The following KNTC1 variants were observed in gnomAD, a reference collection of about 807,000 sequenced individuals.
The protein encoded by KNTC1 is kinetochore associated 1.
In KNTC1, 253 loss-of-function variants were observed where a neutral mutation model predicts 314.4. The ratio of observed to expected loss-of-function variants is 0.80; its 90% CI spans 0.73 to 0.89. KNTC1 has a LOEUF of 0.89. Among genes scored for constraint, KNTC1 ranks in the 40% least tolerant of loss-of-function variants. The pLI is 0.00. For synonymous variants in KNTC1, 901 were observed against 901.4 expected (o/e 1.00, Z 0.01); for missense variants, 2,475 against 2,572.9 (o/e 0.96, Z 0.82).
chr12:122,617,462 A>C, intron 57 of KNTC1: 1 of 438,352 alleles, frequency 2.3e-6, no homozygotes, highest in African/African-American at 2.0e-5. Context: ...GAGCTGAAAC[A>C]ATCCTCCTGC....
At chr12:122,621,854 A>G (rs559654890) in intron 60 of KNTC1, 27 bp from the exon 61 acceptor site, 8 of 1,428,656 alleles carry the variant, frequency 5.6e-6, no homozygotes, top group African/African-American at 1.4e-5. Context: ...ACAATTTTCT[A>G]TTAATTCTGC....
chr12:122,541,199 CA>C (rs954371154), intron 5 of KNTC1, among the ~76,000 whole-genome samples: 22 of 144,792 alleles, frequency 1.5e-4, no homozygotes, highest in East Asian at 1.2e-3. Context: ...AAACAAAAAA[CA>C]AAAAAAAAAC....
At chr12:122,595,260 A>G (rs1870882730) in intron 43 of KNTC1, among the ~76,000 whole-genome samples, 1 of 152,250 alleles carries the variant, frequency 6.6e-6, no homozygotes, top group Non-Finnish European at 1.5e-5. Flanking sequence ...TGTAATTTAT[A>G]TCTCAGATGT....
chr12:122,553,638 G>A (rs1963349063), intron 16 of KNTC1, among the ~76,000 whole-genome samples: 1 of 152,170 alleles, frequency 6.6e-6, no homozygotes, highest in Non-Finnish European at 1.5e-5. Context: ...GGAGACACCA[G>A]TGTAATGGCT....
intron 63 of KNTC1, among the ~76,000 whole-genome samples, chr12:122,625,183 AC>A (rs1276572981): frequency 7.2e-5 from 11 of 152,094 alleles, no homozygotes; most frequent in African/African-American, 2.7e-4. Flanking sequence ...GGGGCAGATT[AC>A]CTGAGGCCAG....
At chr12:122,529,960 T>C (rs1232854832) in intron 1 of KNTC1, 31 bp from the exon 2 acceptor site, 1 of 1,262,564 alleles carries the variant, frequency 7.9e-7, no homozygotes, top group Middle Eastern at 1.9e-4. Flanking sequence ...AGCTTTATCA[T>C]TTCCCAAGGA....
chr12:122,613,752 C>G lies in KNTC1; in HGVS notation c.5868C>G (p.His1956Gln), dbSNP rs776300972. The change falls in exon 55 of 64, where the codon CAC becomes CAG. Residue 1956 changes from histidine to glutamine, a missense_variant. By Grantham distance (24) the His-to-Gln change is conservative. Transcript: ENST00000333479. ...MIKGLWKNHSHESMAVRLVTE... is the reference protein window; with the variant it reads ...MIKGLWKNHSQESMAVRLVTE... The stretch of plus-strand genomic sequence containing the variant: ...AGGGTCTGTGGAAAAACCACAGCCA[C>G]GAGTCCATGGTAGGTACACCTCACT... The G allele has an allele frequency of 9.3e-6, 15 of 1,609,452 alleles. No homozygotes were observed. Among genetic ancestry groups the G allele is most frequent in the Non-Finnish European group, 1.3e-5 (15 of 1,178,422 alleles).
chr12:122,615,011 G>T lies in KNTC1; in HGVS notation c.5898G>T (p.Glu1966Asp). 1.9e-6 allele frequency: 3 copies of T among 1,613,260 alleles called. No homozygotes were observed. Among genetic ancestry groups the T allele is most frequent in the Non-Finnish European group, 2.5e-6 (3 of 1,179,566 alleles). Residue 1966 changes from glutamate (E) to aspartate (D), a missense_variant, in exon 56 of 64, where the codon GAG becomes GAT. Glu to Asp is a conservative substitution (Grantham distance 45). Coordinates refer to ENST00000333479, the MANE Select transcript of KNTC1 (RefSeq NM_014708.6). Reference sequence around the variant, plus strand: ...TTCAGGCAGTAAGATTGGTGACTGAGCTGTGTTTAGAATACAAAATCTATG... The same window carrying T: ...TTCAGGCAGTAAGATTGGTGACTGATCTGTGTTTAGAATACAAAATCTATG... ...HESMAVRLVTELCLEYKIYDL... is the reference protein window; with the variant it reads ...HESMAVRLVTDLCLEYKIYDL...
At chr12:122,615,330 G>A (rs1316352405) in intron 56 of KNTC1, 140 bp from the exon 57 acceptor site, 11 of 797,508 alleles carry the variant, frequency 1.4e-5, no homozygotes, top group Non-Finnish European at 2.2e-5. Flanking sequence ...TTATGAACTT[G>A]TAAGTGAACT....
intron 20 of KNTC1, among the ~76,000 whole-genome samples, 170 bp downstream of exon 20, chr12:122,562,869 C>T (rs575016389): frequency 1.5e-4 from 23 of 152,014 alleles, no homozygotes; most frequent in African/African-American, 1.2e-4. Flanking sequence ...ATTAGCCAGG[C>T]GTGGTGGCGT....
chr12:122,543,908 G>C (rs901149544), intron 7 of KNTC1, among the ~76,000 whole-genome samples: 6 of 152,032 alleles, frequency 3.9e-5, no homozygotes, highest in African/African-American at 9.7e-5. Context: ...AATTAGCCGG[G>C]GGGTGGTGGC....
rs1436847167 is a variant in KNTC1 at position 122,544,158 on chromosome 12, G to A, written c.559-1G>A. Reference sequence around the variant, plus strand: ...TGACGTTGTTGTTTTTAATTTTGCAGTTACAAGGACAAATCAAGTCCAGTT... The same window carrying A: ...TGACGTTGTTGTTTTTAATTTTGCAATTACAAGGACAAATCAAGTCCAGTT... On this transcript the variant is annotated splice_acceptor_variant, in intron 7 of 63. Coordinates refer to ENST00000333479, the MANE Select transcript of KNTC1 (RefSeq NM_014708.6). LOFTEE classifies it high-confidence loss of function. The A allele has an allele frequency of 7.1e-7, 1 of 1,412,854 alleles. No homozygotes were observed. Among genetic ancestry groups the A allele is most frequent in the Non-Finnish European group, 9.7e-7 (1 of 1,028,116 alleles). The allele number at this position is 1,412,854 out of a possible 1,614,324, so 87.5% of individuals were successfully genotyped here.
At chr12:122,577,084 T>G (rs1020491601) in intron 30 of KNTC1, 55 bp downstream of exon 30, 37 of 1,366,678 alleles carry the variant, frequency 2.7e-5, no homozygotes, top group Non-Finnish European at 3.6e-5. Context: ...TGTGTTGTTG[T>G]TGTTGTTTTT....
intron 35 of KNTC1, 144 bp from the exon 36 acceptor site, chr12:122,584,749 T>C (rs1868986500): frequency 5.3e-6 from 3 of 569,304 alleles, no homozygotes; most frequent in Non-Finnish European, 9.0e-6. Flanking sequence ...ATTTAACTTT[T>C]TAGGGTAGTC....
Position 122,594,280 on chromosome 12 carries a change from C to A in KNTC1, c.4250C>A (p.Ser1417Tyr), listed in dbSNP as rs745665785. 1 of 1,582,278 alleles carries A rather than the reference C, an allele frequency of 6.3e-7. No individual in the cohort carries two copies. The highest frequency in any genetic ancestry group is 1.7e-5 in the Admixed American group (1 of 59,292). Residue 1417 changes from serine to tyrosine, a missense_variant, in exon 43 of 64, where the codon TCT (serine) becomes TAT (tyrosine). Coordinates refer to ENST00000333479, the MANE Select transcript of KNTC1 (RefSeq NM_014708.6). ...TTTTTTTCTTTTTATTTCTAGATTT[C>A]TTTTCAACCAGTTTTCAGGCAACAT... Reference protein sequence around the residue: ...WGIRLGKLGISFQPVFRQHFL... With the variant: ...WGIRLGKLGIYFQPVFRQHFL...
At position 122,591,454 on chromosome 12, in the gene KNTC1, G is replaced by A; in HGVS notation, c.4245+1G>A. The A allele has an allele frequency of 6.8e-7, 1 of 1,462,324 alleles. No individual in the cohort carries two copies. Among genetic ancestry groups the A allele is most frequent in the Non-Finnish European group, 9.6e-7 (1 of 1,045,652 alleles). 90.6% of individuals were successfully genotyped at this position (1,462,324 alleles called of 1,614,324 possible). A position where few individuals can be genotyped will look rare whatever the true frequency, so the allele number is the denominator to read the frequency against. The stretch of plus-strand genomic sequence containing the variant: ...GGGCATTCGTCTTGGTAAACTTGGT[G>A]TGAGTATTCTTTGTACTGCTGTCAT... On this transcript the variant is annotated splice_donor_variant, in intron 42 of 63. Transcript: ENST00000333479. LOFTEE classifies it high-confidence loss of function.
intron 55 of KNTC1, 37 bp from the exon 56 acceptor site, chr12:122,614,946 CTGGTGTCT>C (rs1411477767): frequency 7.4e-7 from 1 of 1,350,678 alleles, no homozygotes; most frequent in African/African-American, 1.5e-5. Context: ...GCTTGATTTA[CTGGTGTCT>C]TGGAATAGCA....
chr12:122,606,718 A>G (rs1477806605), intron 51 of KNTC1, among the ~76,000 whole-genome samples: 2 of 152,116 alleles, frequency 1.3e-5, no homozygotes, highest in African/African-American at 2.4e-5. Flanking sequence ...TACACCTTTC[A>G]CCGAGATCCA....
At chr12:122,618,568 CAAAA>C in intron 59 of KNTC1, 23 bp downstream of exon 59, 3 of 1,312,794 alleles carry the variant, frequency 2.3e-6, no homozygotes, top group Admixed American at 2.1e-5. Context: ...TTTGTTCTAC[CAAAA>C]AAAAAAAAAG....
Sources: allele counts gnomAD v4.1 joint callset (sites outside exome capture counted in the v4.1 genomes callset), GRCh38; gene constraint gnomAD v4.1.1; transcripts MANE v1.5; gene names NCBI Gene and HGNC (gene_info 2026-07-23, HGNC 2026-07-21).